The following CRIM1 variants were observed in gnomAD, a reference collection of about 807,000 sequenced individuals.
CRIM1 encodes cysteine-rich motor neuron 1 protein.
A neutral mutation model predicts 116.4 loss-of-function variants in CRIM1; 32 were observed. That is an observed-to-expected ratio of 0.27 (90% CI 0.21 to 0.37). CRIM1 has a LOEUF of 0.37. CRIM1 is among the 10% of genes least tolerant of loss of function. The pLI is 1.00. For synonymous variants in CRIM1, 590 were observed against 509.2 expected, an observed-to-expected ratio of 1.16 and a Z score of -2.13; for missense variants, 1,331 against 1,354.8, an observed-to-expected ratio of 0.98 and a Z score of 0.28.
rs758619983 is a variant in CRIM1 at position 36,476,998 on chromosome 2, C to G, written c.1101C>G (p.Phe367Leu). ...CRCQGGVAIC[F>L]TAQCGEINCE... Reference sequence around the variant, plus strand: ...GCCAAGGGGGCGTTGCCATCTGCTTCACCGCCCAGTGTGGTGAGATAAACT... The same window carrying G: ...GCCAAGGGGGCGTTGCCATCTGCTTGACCGCCCAGTGTGGTGAGATAAACT... Residue 367 changes from phenylalanine (F) to leucine (L), a missense_variant, in exon 6 of 17, where the codon TTC becomes TTG. Physicochemically the swap from Phe to Leu is conservative, Grantham distance 22. This residue lies in a region of CRIM1 where 690 missense variants were observed against 676.0 expected (regional missense o/e 1.02). Coordinates refer to ENST00000280527, the MANE Select transcript of CRIM1 (RefSeq NM_016441.3). 12 of 1,614,068 alleles carry G rather than the reference C, an allele frequency of 7.4e-6. No homozygotes were observed. The highest frequency in any genetic ancestry group is 3.3e-4 in the Middle Eastern group (2 of 6,084).
At chr2:36,529,353 G>T in intron 13 of CRIM1, 1 of 261,888 alleles carries the variant, frequency 3.8e-6, no homozygotes. Flanking sequence ...CTACGTTAAG[G>T]TTTTCTTAAC....
chr2:36,532,211 G>A (rs72868404), intron 13 of CRIM1, among the ~76,000 whole-genome samples: 2,522 of 152,280 alleles, frequency 0.017, 70 homozygotes, highest in African/African-American at 0.056. Flanking sequence ...GTGCAGCAGC[G>A]GCAGTACCAT....
chr2:36,532,020 T>A (rs771129912), intron 13 of CRIM1: 4 of 470,222 alleles, frequency 8.5e-6, no homozygotes, highest in South Asian at 6.2e-5. Context: ...GAGACTTTGT[T>A]TCTGAAAGAG....
chr2:36,411,510 T>A (rs1473538513), intron 2 of CRIM1, among the ~76,000 whole-genome samples: 3 of 152,222 alleles, frequency 2.0e-5, no homozygotes, highest in African/African-American at 7.2e-5. Context: ...TTTTGTACTT[T>A]ATGTGCCGGA....
intron 1 of CRIM1, among the ~76,000 whole-genome samples, chr2:36,390,558 C>T (rs72863644): frequency 0.015 from 2,210 of 152,142 alleles, 63 homozygotes; most frequent in African/African-American, 0.051. Flanking sequence ...GTTTCTTCAT[C>T]ATTGTTTTTA....
chr2:36,390,377 G>T (rs1671480942), intron 1 of CRIM1, among the ~76,000 whole-genome samples: 1 of 152,126 alleles, frequency 6.6e-6, no homozygotes, highest in Non-Finnish European at 1.5e-5. Context: ...AAAAATACTG[G>T]CCCAGGTGAG....
chr2:36,487,750 T>G (rs1183274715), intron 7 of CRIM1, among the ~76,000 whole-genome samples: 1 of 152,146 alleles, frequency 6.6e-6, no homozygotes, highest in Non-Finnish European at 1.5e-5. Flanking sequence ...TAAAAGTGAG[T>G]ACTTTTATCA....
chr2:36,470,395 C>T (rs1186568639), intron 5 of CRIM1, among the ~76,000 whole-genome samples: 2 of 152,082 alleles, frequency 1.3e-5, no homozygotes, highest in African/African-American at 4.8e-5. Flanking sequence ...AAGAAGATGC[C>T]ACCTGGGACT....
intron 1 of CRIM1, among the ~76,000 whole-genome samples, chr2:36,384,516 G>A (rs540692486): frequency 9.8e-5 from 15 of 152,302 alleles, no homozygotes; most frequent in Admixed American, 3.9e-4. Context: ...TGTGAAAAAC[G>A]TGTAAATATG....
chr2:36,473,168 A>G (rs1678672642), intron 5 of CRIM1, among the ~76,000 whole-genome samples: 1 of 152,246 alleles, frequency 6.6e-6, no homozygotes, highest in Non-Finnish European at 1.5e-5. Context: ...CCTTGAGTAC[A>G]ATGCAAATGC....
chr2:36,359,233 G>T (rs1283309736), intron 1 of CRIM1, among the ~76,000 whole-genome samples: 2 of 152,128 alleles, frequency 1.3e-5, no homozygotes, highest in African/African-American at 4.8e-5. Flanking sequence ...GGTTGTATCT[G>T]TTAATGAAAA....
chr2:36,400,866 G>A (rs759429347), intron 2 of CRIM1, among the ~76,000 whole-genome samples: 3 of 152,084 alleles, frequency 2.0e-5, no homozygotes, highest in Non-Finnish European at 2.9e-5. Flanking sequence ...ATGACCTGGC[G>A]AATTTAGACT....
intron 14 of CRIM1, among the ~76,000 whole-genome samples, chr2:36,540,776 G>A (rs917025574): frequency 3.3e-5 from 5 of 152,314 alleles, no homozygotes; most frequent in African/African-American, 1.2e-4. Context: ...CAGAGGCCAG[G>A]ACAGCTGTAA....
In CRIM1 at chr2:36,438,503, T is replaced by G. The variant is rs537397393; in HGVS notation, c.506-2755T>G. Among the ~76,000 whole-genome samples the G allele has an allele frequency of 3.3e-5, 5 of 152,156 alleles. No homozygotes were observed. In the South Asian group the frequency reaches 8.3e-4, roughly 25 times the overall value. On this transcript the variant is annotated intron_variant, in intron 2 of 16. Transcript: ENST00000280527. Reference sequence around the variant, plus strand: ...CTCCACACTGATGGGGCTCTGAGAGTGGAATTCCTTATTAGTTAATCATGT... The same window carrying G: ...CTCCACACTGATGGGGCTCTGAGAGGGGAATTCCTTATTAGTTAATCATGT...
At chr2:36,426,815 T>C (rs1294374855) in intron 2 of CRIM1, among the ~76,000 whole-genome samples, 2 of 152,218 alleles carry the variant, frequency 1.3e-5, no homozygotes, top group Non-Finnish European at 2.9e-5. Context: ...TTATGTTTTT[T>C]AATTATAACA....
At chr2:36,385,436 GTCTTAGCAAAGAACC>G (rs1671102373) in intron 1 of CRIM1, among the ~76,000 whole-genome samples, 1 of 152,118 alleles carries the variant, frequency 6.6e-6, no homozygotes, top group Non-Finnish European at 1.5e-5. Context: ...GTATATGAAG[GTCTTAGCAAAGAACC>G]TCTCGTTTTC....
chr2:36,540,177 C>T (rs1194684809), intron 14 of CRIM1, among the ~76,000 whole-genome samples: 2 of 152,152 alleles, frequency 1.3e-5, no homozygotes, highest in Non-Finnish European at 2.9e-5. Context: ...CCACTGTTAG[C>T]CACGTAAGAT....
At chr2:36,531,597 C>T (rs1666125433) in intron 13 of CRIM1, among the ~76,000 whole-genome samples, 1 of 152,088 alleles carries the variant, frequency 6.6e-6, no homozygotes, top group South Asian at 2.1e-4. Flanking sequence ...GGAGTAAAAA[C>T]AAAGTCCAGC....
intron 1 of CRIM1, among the ~76,000 whole-genome samples, chr2:36,383,711 G>A (rs773883420): frequency 2.6e-5 from 4 of 152,134 alleles, no homozygotes; most frequent in African/African-American, 9.7e-5. Flanking sequence ...AGAGGGATGG[G>A]TGGAAGAAAA....
Sources: gnomAD v4.1 joint callset for allele counts (sites outside exome capture counted in the v4.1 genomes callset) on GRCh38, gnomAD v4.1.1 for gene constraint, gnomAD v4.1.1 regional missense constraint, MANE v1.5 for transcripts, NCBI Gene and HGNC (gene_info 2026-07-23, HGNC 2026-07-21) for gene names.